NIPBL: variants seen among roughly 807,000 people sequenced by gnomAD.
NIPBL encodes NIPBL cohesin loading factor.
In NIPBL, 19 loss-of-function variants were observed where a neutral mutation model predicts 321.8. That is an observed-to-expected ratio of 0.06 (90% confidence interval 0.04 to 0.09). The LOEUF (loss-of-function observed/expected upper bound fraction) is 0.09. NIPBL is among the 10% of genes least tolerant of loss of function. The pLI, the probability that NIPBL is intolerant of heterozygous loss-of-function variation, is 1.00. For synonymous variants in NIPBL, 1,106 were observed against 1,114.1 expected (o/e 0.99, Z 0.14); for missense variants, 2,210 against 3,327.0 (o/e 0.66, Z 8.26).
intron 39 of NIPBL, among the ~76,000 whole-genome samples, 165 bp from the exon 40 acceptor site, chr5:37,048,946 G>C (rs1424812713): frequency 6.7e-6 from 1 of 148,670 alleles, no homozygotes; most frequent in South Asian, 2.1e-4. Context: ...CTCTGACACA[G>C]ACACACACAC....
chr5:36,948,732 CA>C (rs1739957769), intron 1 of NIPBL, among the ~76,000 whole-genome samples: 2 of 151,766 alleles, frequency 1.3e-5, no homozygotes, highest in Non-Finnish European at 3.0e-5. Flanking sequence ...TGTTTTTCCT[CA>C]AAGTGAATTT....
intron 38 of NIPBL, among the ~76,000 whole-genome samples, chr5:37,046,713 A>G (rs542014021): frequency 6.6e-6 from 1 of 152,332 alleles, no homozygotes; most frequent in South Asian, 2.1e-4. Flanking sequence ...ATGTTTTTCC[A>G]GGAAGGATTG....
intron 42 of NIPBL, among the ~76,000 whole-genome samples, chr5:37,054,010 A>G (rs1264583156): frequency 6.6e-6 from 1 of 152,136 alleles, no homozygotes; most frequent in South Asian, 2.1e-4. Flanking sequence ...AGCCTGACCA[A>G]CATGGTGAAA....
At chr5:36,958,769 C>A (rs936075353) in intron 4 of NIPBL, among the ~76,000 whole-genome samples, 1 of 151,838 alleles carries the variant, frequency 6.6e-6, no homozygotes, top group Non-Finnish European at 1.5e-5. Flanking sequence ...TCATGGAGTA[C>A]CTTTGGGTTA....
rs1746128295 is a variant in NIPBL at position 36,889,060 on chromosome 5, T to G, written c.-80+11882T>G. ...ACATAGTAAGCACTCAACAAACAAT[T>G]GTTGAATAAATGAATTTGAATATAT... On this transcript the variant is annotated intron_variant, in intron 1 of 46. Transcript: ENST00000282516. 3.3e-5 allele frequency among the ~76,000 whole-genome samples: 5 copies of G among 152,044 alleles called. No homozygotes were observed. In the South Asian group the frequency reaches 1.0e-3, roughly 31 times the overall value.
intron 22 of NIPBL, 27 bp from the exon 23 acceptor site, chr5:37,016,011 T>C: frequency 6.2e-7 from 1 of 1,613,240 alleles, no homozygotes; most frequent in East Asian, 2.2e-5. Flanking sequence ...TAAATTGACA[T>C]CCTTTTCATT....
At chr5:37,038,846 AT>A in intron 34 of NIPBL, 108 bp downstream of exon 34, 1 of 1,091,176 alleles carries the variant, frequency 9.2e-7, no homozygotes, top group Non-Finnish European at 1.3e-6. Context: ...CAACTGTGTC[AT>A]TTACTTAGAT....
intron 24 of NIPBL, among the ~76,000 whole-genome samples, chr5:37,018,566 G>A (rs1749260979): frequency 6.6e-6 from 1 of 152,114 alleles, no homozygotes; most frequent in Admixed American, 6.5e-5. Context: ...TTGGTGAATT[G>A]TAATGTAGAA....
chr5:37,049,061 GT>G (rs1753258276), intron 39 of NIPBL, 49 bp from the exon 40 acceptor site: 1 of 1,575,534 alleles, frequency 6.3e-7, no homozygotes, highest in African/African-American at 1.3e-5. Flanking sequence ...ATTTAGTAAA[GT>G]TAGTATAGGT....
chr5:36,896,213 A>G (rs1250110196), intron 1 of NIPBL, among the ~76,000 whole-genome samples: 2 of 152,216 alleles, frequency 1.3e-5, no homozygotes, highest in African/African-American at 4.8e-5. Flanking sequence ...TGGTCTTGGC[A>G]TCCCTGTCAA....
chr5:36,956,624 T>TC (rs1740984235), intron 3 of NIPBL, among the ~76,000 whole-genome samples: 1 of 136,112 alleles, frequency 7.3e-6, no homozygotes, highest in Non-Finnish European at 1.6e-5. Context: ...TTCTTTTTTT[T>TC]TTTTTTTTTT....
chr5:36,926,259 G>T (rs1399483601), intron 1 of NIPBL, among the ~76,000 whole-genome samples: 2 of 152,172 alleles, frequency 1.3e-5, no homozygotes, highest in Non-Finnish European at 2.9e-5. Flanking sequence ...ACTTAGTGTG[G>T]TTTTAAAATA....
chr5:36,955,516 A>G lies in NIPBL; in HGVS notation c.109A>G (p.Thr37Ala), dbSNP rs892645096. 4 of 1,613,880 alleles carry G rather than the reference A, an allele frequency of 2.5e-6. No homozygotes were observed. The highest frequency in any genetic ancestry group is 2.7e-5 in the African/African-American group (2 of 75,048). Residue 37 changes from threonine (T) to alanine (A), a missense_variant, in exon 3 of 47, where the codon ACA (threonine) becomes GCA (alanine). Thr to Ala is a moderately conservative substitution (Grantham distance 58, BLOSUM62 0). Coordinates refer to ENST00000282516, the MANE Select transcript of NIPBL (RefSeq NM_133433.4). ...PLPSPLPATT[T>A]KSLLFNARIA... Reference sequence around the variant, plus strand: ...TCCATCTCCTTTACCTGCTACAACTACAAAGAGCCTTCTCTTTAATGCACG... The same window carrying G: ...TCCATCTCCTTTACCTGCTACAACTGCAAAGAGCCTTCTCTTTAATGCACG...
chr5:36,915,030 G>A (rs1487712905), intron 1 of NIPBL, among the ~76,000 whole-genome samples: 1 of 151,544 alleles, frequency 6.6e-6, no homozygotes, highest in African/African-American at 2.4e-5. Context: ...TTAAAAAATA[G>A]CATTAGATAG....
intron 1 of NIPBL, among the ~76,000 whole-genome samples, chr5:36,921,696 C>G (rs993123994): frequency 2.6e-5 from 4 of 152,036 alleles, no homozygotes; most frequent in Non-Finnish European, 5.9e-5. Context: ...TTTTATAAAG[C>G]TATTTTAATG....
At chr5:36,951,546 G>A (rs2149594121) in intron 1 of NIPBL, among the ~76,000 whole-genome samples, 1 of 152,142 alleles carries the variant, frequency 6.6e-6, no homozygotes, top group African/African-American at 2.4e-5. Context: ...CATAAATTTA[G>A]GAAAAATTCA....
intron 1 of NIPBL, among the ~76,000 whole-genome samples, chr5:36,884,105 T>C (rs1745705572): frequency 6.6e-6 from 1 of 152,104 alleles, no homozygotes; most frequent in Non-Finnish European, 1.5e-5. Context: ...ACACATGACA[T>C]ACGCTTTTAT....
At chr5:37,007,501 A>G (rs780213715) in intron 18 of NIPBL, 27 bp downstream of exon 18, 13 of 1,542,242 alleles carry the variant, frequency 8.4e-6, no homozygotes, top group African/African-American at 1.4e-5. Flanking sequence ...AGCATTTTGT[A>G]TATTTCTAAA....
At chr5:36,976,437 G>A in intron 9 of NIPBL, 35 bp downstream of exon 9, 1 of 1,596,648 alleles carries the variant, frequency 6.3e-7, no homozygotes, top group Non-Finnish European at 8.5e-7. Flanking sequence ...TTCATCATCT[G>A]GGCAAATATG....
Sources: allele counts gnomAD v4.1 joint callset (sites outside exome capture counted in the v4.1 genomes callset), GRCh38; gene constraint gnomAD v4.1.1; transcripts MANE v1.5; gene names NCBI Gene and HGNC (gene_info 2026-07-23, HGNC 2026-07-21).